The following ABAT variants were observed in gnomAD, a reference collection of about 807,000 sequenced individuals.
ABAT encodes the protein 4-aminobutyrate aminotransferase, mitochondrial.
Under a neutral mutation model 64.6 loss-of-function variants are expected in ABAT, and 45 were observed. The observed-to-expected ratio is 0.70, with a 90% CI of 0.55 to 0.89. The LOEUF is 0.89. Among genes scored for constraint, ABAT ranks in the 40% least tolerant of loss-of-function variants. The pLI is 0.00. For missense variants in ABAT, 633 were observed against 658.4 expected (o/e 0.96, Z 0.42); for synonymous variants, 297 against 250.5 (o/e 1.19, Z -1.75).
intron 1 of ABAT, among the ~76,000 whole-genome samples, chr16:8,720,415 A>G: frequency 6.6e-6 from 1 of 152,240 alleles, no homozygotes; most frequent in Non-Finnish European, 1.5e-5. Context: ...TTCCAAGAAC[A>G]GTATTTCTGT....
Position 8,776,538 on chromosome 16 carries a change from A to C in ABAT, c.1269+48A>C. Reference sequence around the variant, plus strand: ...GCCCCCACCACCCATGGCTCCCCGCAGCAGCCTCCGGGGCAACACTGGAGC... The same window carrying C: ...GCCCCCACCACCCATGGCTCCCCGCCGCAGCCTCCGGGGCAACACTGGAGC... On this transcript the variant is annotated intron_variant, in intron 14 of 15. Coordinates refer to ENST00000268251, the MANE Select transcript of ABAT (RefSeq NM_020686.6). This position sits in a 1 kb window ranked among gnomAD's most constrained non-coding sequence, Gnocchi z 4.4. 6.2e-6 allele frequency: 9 copies of C among 1,460,692 alleles called. No homozygotes were observed. The highest frequency in any genetic ancestry group is 6.4e-6 in the Non-Finnish European group (7 of 1,085,326). The allele number at this position is 1,460,692 out of a possible 1,614,324, so 90.5% of individuals were successfully genotyped here.
chr16:8,709,774 G>C (rs182078299), intron 1 of ABAT, among the ~76,000 whole-genome samples: 8 of 152,186 alleles, frequency 5.3e-5, no homozygotes, highest in Non-Finnish European at 1.0e-4. Context: ...AAAGATGTAG[G>C]GGCTTATCAG....
chr16:8,704,778 C>T (rs139530788), intron 1 of ABAT, among the ~76,000 whole-genome samples: 83 of 152,282 alleles, frequency 5.5e-4, no homozygotes, highest in African/African-American at 1.9e-3. Context: ...TGTACCACAA[C>T]TTATTTGAGC....
chr16:8,721,887 G>T (rs2058382762), intron 1 of ABAT, among the ~76,000 whole-genome samples: 1 of 152,216 alleles, frequency 6.6e-6, no homozygotes, highest in African/African-American at 2.4e-5. Flanking sequence ...AGGTGGGTGG[G>T]ACTGAAGAGC....
intron 2 of ABAT, among the ~76,000 whole-genome samples, chr16:8,745,110 G>A (rs2059292491): frequency 6.6e-6 from 1 of 152,038 alleles, no homozygotes; most frequent in African/African-American, 2.4e-5. Flanking sequence ...AGCCTCCCAA[G>A]TAGCTGGAAC....
At chr16:8,687,042 C>T (rs1297281605) in intron 1 of ABAT, among the ~76,000 whole-genome samples, 2 of 152,114 alleles carry the variant, frequency 1.3e-5, no homozygotes, top group African/African-American at 2.4e-5. Flanking sequence ...GAACCACTCC[C>T]GGATCATAGG....
intron 1 of ABAT, among the ~76,000 whole-genome samples, chr16:8,700,435 C>T (rs80158181): frequency 0.021 from 3,211 of 152,224 alleles, 107 homozygotes; most frequent in African/African-American, 0.072. Flanking sequence ...TCTAGACCGT[C>T]CCCAGCCCCC....
intron 2 of ABAT, among the ~76,000 whole-genome samples, chr16:8,743,801 C>T (rs1324843277): frequency 6.6e-6 from 1 of 151,314 alleles, no homozygotes; most frequent in Non-Finnish European, 1.5e-5. Flanking sequence ...CACTGATTCC[C>T]TAGTTTGGTA....
intron 6 of ABAT, among the ~76,000 whole-genome samples, chr16:8,761,855 A>G (rs527495690): frequency 9.2e-4 from 140 of 152,120 alleles, no homozygotes; most frequent in Non-Finnish European, 1.6e-3. Flanking sequence ...CCCAAACCAA[A>G]CCACCCTGAA....
chr16:8,704,721 C>T (rs537151188), intron 1 of ABAT, among the ~76,000 whole-genome samples: 1 of 152,172 alleles, frequency 6.6e-6, no homozygotes, highest in South Asian at 2.1e-4. Flanking sequence ...AAATCACTTC[C>T]CTGTCTTTTT....
At chr16:8,708,047 C>G (rs2057987751) in intron 1 of ABAT, among the ~76,000 whole-genome samples, 1 of 152,184 alleles carries the variant, frequency 6.6e-6, no homozygotes, top group Admixed American at 6.5e-5. Context: ...CAGTGGACTT[C>G]CTGATATGTG....
At position 8,777,820 on chromosome 16, in the gene ABAT, A is replaced by C. The variant is rs75857563; in HGVS notation, c.1269+1330A>C. On this transcript the variant is annotated intron_variant, in intron 14 of 15. Transcript: ENST00000268251. ...CTTCTTCACTGGCAGGGGATTCAAG[A>C]ATGTGCCCACTGCCAGGCACAGGGG... Among the ~76,000 whole-genome samples, 947 of 152,228 alleles carry C rather than the reference A, an allele frequency of 6.2e-3. 10 individuals carry two copies. The highest frequency in any genetic ancestry group is 0.022 in the African/African-American group (908 of 41,532).
chr16:8,766,064 C>T, intron 8 of ABAT, 144 bp from the exon 9 acceptor site: 2 of 759,668 alleles, frequency 2.6e-6, no homozygotes, highest in Non-Finnish European at 2.3e-6. Context: ...CGTTTCAGTA[C>T]AGACCTGCAA....
intron 1 of ABAT, among the ~76,000 whole-genome samples, chr16:8,704,810 T>C (rs191298304): frequency 6.6e-6 from 1 of 152,202 alleles, no homozygotes; most frequent in Non-Finnish European, 1.5e-5. Context: ...ATTGGTCATT[T>C]ACATTGTTTT....
chr16:8,686,242 G>T (rs916937727), intron 1 of ABAT, among the ~76,000 whole-genome samples: 2 of 152,228 alleles, frequency 1.3e-5, no homozygotes, highest in African/African-American at 4.8e-5. Context: ...ACACCAAGGA[G>T]CATTTGTGCA....
intron 1 of ABAT, among the ~76,000 whole-genome samples, chr16:8,700,895 C>T (rs905747046): frequency 2.0e-5 from 3 of 151,388 alleles, no homozygotes; most frequent in Non-Finnish European, 4.4e-5. Flanking sequence ...CATGAGCCGC[C>T]ATGCTGGCCT....
Position 8,737,991 on chromosome 16 carries a change from G to GGAAGGAAGGAA in ABAT, c.70+2185_70+2186insGGAAGGAAGAA, listed in dbSNP as rs1567295685. The stretch of plus-strand genomic sequence containing the variant: ...AAGGAAGGAAGGAAGGAAGGAAGGA[G>GGAAGGAAGGAA]GAAAGAAAGAAAGAAAGAAAGAAAG... On this transcript the variant is annotated intron_variant, in intron 2 of 15. Transcript: ENST00000268251. Among the ~76,000 whole-genome samples the GGAAGGAAGGAA allele has an allele frequency of 1.3e-3, 20 of 14,960 alleles. 5 individuals are homozygous for GGAAGGAAGGAA. The highest frequency in any genetic ancestry group is 0.01 in the South Asian group (4 of 384). The allele number at this position is 14,960 out of a possible 152,430, so 9.8% of individuals were successfully genotyped here.
At chr16:8,752,911 G>A (rs942732582) in intron 5 of ABAT, among the ~76,000 whole-genome samples, 2 of 152,080 alleles carry the variant, frequency 1.3e-5, no homozygotes, top group African/African-American at 4.8e-5. Flanking sequence ...ATATTGCCAA[G>A]TGCCTTATAC....
At chr16:8,732,158 A>T (rs114581937) in intron 1 of ABAT, among the ~76,000 whole-genome samples, 1,609 of 134,280 alleles carry the variant, frequency 0.012, 57 homozygotes, top group African/African-American at 0.043. Context: ...CAGACCCTCT[A>T]TCTGTTTCTA....
Sources: allele counts gnomAD v4.1 joint callset (sites outside exome capture counted in the v4.1 genomes callset), GRCh38; gene constraint gnomAD v4.1.1; non-coding constraint Gnocchi (gnomAD v3.1); transcripts MANE v1.5; gene names NCBI Gene and HGNC (gene_info 2026-07-23, HGNC 2026-07-21).